Variants in FARP2 observed in about 807,000 individuals in gnomAD.
FARP2 encodes the protein FERM, ARHGEF and pleckstrin domain-containing protein 2.
A neutral mutation model predicts 130.5 loss-of-function variants in FARP2; 111 were observed. The observed-to-expected ratio is 0.85, with a 90% CI of 0.73 to 1.00. The LOEUF (loss-of-function observed/expected upper bound fraction) is 1.00, where lower values mean the gene tolerates loss of function less well. Ranked by LOEUF, FARP2 falls within the 50% of genes least tolerant of loss-of-function variation. The pLI is 0.00. For missense variants in FARP2, 1,385 were observed against 1,346.3 expected (o/e 1.03, Z -0.45); for synonymous variants, 504 against 516.9 (o/e 0.98, Z 0.34).
At chr2:241,406,890 C>T (rs1026315580) in intron 4 of FARP2, among the ~76,000 whole-genome samples, 12 of 152,178 alleles carry the variant, frequency 7.9e-5, no homozygotes, top group African/African-American at 2.9e-4. Flanking sequence ...TCACTGCAAT[C>T]CCCGCCTCCC....
intron 8 of FARP2, among the ~76,000 whole-genome samples, chr2:241,431,099 A>G (rs1374261864): frequency 6.6e-6 from 1 of 152,196 alleles, no homozygotes; most frequent in African/African-American, 2.4e-5. Flanking sequence ...GTCCCAGTGT[A>G]TCTTCCTGGT....
At chr2:241,417,911 T>A (rs750554840) in intron 7 of FARP2, 51 bp from the exon 8 acceptor site, 1 of 1,600,508 alleles carries the variant, frequency 6.2e-7, no homozygotes. Flanking sequence ...ATTTTGGCTC[T>A]TTCAGAAATC....
intron 2 of FARP2, chr2:241,386,758 CAG>C (rs1342301450): frequency 1.3e-5 from 2 of 152,252 alleles, no homozygotes; most frequent in East Asian, 1.9e-4. Flanking sequence ...ATCTTACAAA[CAG>C]AGGGAGTTTC....
chr2:241,408,887 T>C (rs998984184), intron 5 of FARP2, among the ~76,000 whole-genome samples: 16 of 152,194 alleles, frequency 1.1e-4, no homozygotes, highest in Non-Finnish European at 1.0e-4. Flanking sequence ...CACCCTCTTA[T>C]TTTTAAAGGT....
At chr2:241,456,995 T>C in intron 14 of FARP2, 73 bp downstream of exon 14, 39 of 1,372,118 alleles carry the variant, frequency 2.8e-5, no homozygotes, top group Non-Finnish European at 3.7e-5. Context: ...CTTCGGGTGG[T>C]GCTGGTGGGG....
intron 5 of FARP2, among the ~76,000 whole-genome samples, chr2:241,408,981 A>G (rs1189358072): frequency 6.6e-6 from 1 of 151,786 alleles, no homozygotes; most frequent in Non-Finnish European, 1.5e-5. Flanking sequence ...ACATTTACCA[A>G]AAAAAAAGTC....
chr2:241,456,621 T>C, intron 13 of FARP2, 126 bp from the exon 14 acceptor site: 1 of 836,866 alleles, frequency 1.2e-6, no homozygotes, highest in Middle Eastern at 2.3e-4. Context: ...CATACACATT[T>C]TACAGGAAGC....
In FARP2 at chr2:241,494,290, C is replaced by A. The variant is rs1203208191; in HGVS notation, c.*165C>A. On this transcript the variant is annotated 3_prime_UTR_variant, in exon 27 of 27. Transcript: ENST00000264042. This position sits in a 1 kb window ranked among gnomAD's most constrained non-coding sequence, Gnocchi z 4.9. ...CTCATGTAACATCTGGGAGGGGCTT[C>A]ATCCCCCCACCCAGGACCTAGTGCA... 7.1e-6 allele frequency: 3 copies of A among 422,116 alleles called. No individual in the cohort carries two copies. Among genetic ancestry groups the A allele is most frequent in the Non-Finnish European group, 1.3e-5 (3 of 233,292 alleles). The allele number at this position is 422,116 out of a possible 1,614,324, so 26.1% of individuals were successfully genotyped here.
At chr2:241,391,875 G>A (rs555380990) in intron 2 of FARP2, among the ~76,000 whole-genome samples, 190 of 152,332 alleles carry the variant, frequency 1.2e-3, no homozygotes, top group Middle Eastern at 6.8e-3. Flanking sequence ...TCAGGAGACA[G>A]AAACTGTACC....
intron 12 of FARP2, among the ~76,000 whole-genome samples, chr2:241,438,543 T>C (rs780092945): frequency 2.0e-5 from 3 of 151,498 alleles, no homozygotes; most frequent in Admixed American, 6.6e-5. Context: ...GACAACAGGG[T>C]AAGAATGTCT....
chr2:241,373,195 G>T lies in FARP2; in HGVS notation c.88G>T (p.Glu30Ter). Residue 30 changes from glutamate to a stop codon, truncating the protein, a stop_gained, in exon 2 of 27, where the codon GAG becomes TAG. Coordinates refer to ENST00000264042, the MANE Select transcript of FARP2 (RefSeq NM_014808.4). LOFTEE classifies it high-confidence loss of function. ...AQTPVGVSTL[E>*]PGQTLLPRMQ... ...GACCCCTGTGGGAGTTAGCACCCTT[G>T]AGCCTGGGCAGACTCTCTTGCCCAG... 6.3e-7 allele frequency: 1 copy of T among 1,582,576 alleles called. No individual in the cohort carries two copies. The highest frequency in any genetic ancestry group is 8.6e-7 in the Non-Finnish European group (1 of 1,159,376).
chr2:241,448,111 G>T (rs1315003091), intron 13 of FARP2, among the ~76,000 whole-genome samples: 1 of 152,194 alleles, frequency 6.6e-6, no homozygotes, highest in Non-Finnish European at 1.5e-5. Flanking sequence ...AAACTCATGG[G>T]TCTCCTCAGA....
intron 18 of FARP2, among the ~76,000 whole-genome samples, chr2:241,471,618 C>T (rs111894608): frequency 0.16 from 23,819 of 151,146 alleles, 2,219 homozygotes; most frequent in Middle Eastern, 0.23. Flanking sequence ...CTCAGCCTCC[C>T]GAGTAGCTGG....
At chr2:241,414,997 C>T (rs1454124473) in intron 7 of FARP2, among the ~76,000 whole-genome samples, 1 of 152,200 alleles carries the variant, frequency 6.6e-6, no homozygotes, top group Non-Finnish European at 1.5e-5. Flanking sequence ...GTGGCAATTA[C>T]GGACAGCTCT....
intron 2 of FARP2, 79 bp downstream of exon 2, chr2:241,373,369 GT>G: frequency 9.8e-7 from 1 of 1,020,714 alleles, no homozygotes; most frequent in Non-Finnish European, 1.3e-6. Flanking sequence ...CATTTTGCTG[GT>G]TAGACTTTGC....
intron 1 of FARP2, among the ~76,000 whole-genome samples, chr2:241,372,063 A>T (rs1045217738): frequency 4.6e-5 from 7 of 151,450 alleles, no homozygotes; most frequent in African/African-American, 1.7e-4. Context: ...AATAAAATCT[A>T]CAGTGCATTA....
At chr2:241,363,547 T>C (rs1396195550) in intron 1 of FARP2, among the ~76,000 whole-genome samples, 3 of 152,250 alleles carry the variant, frequency 2.0e-5, no homozygotes, top group African/African-American at 2.4e-5. Context: ...AGTTAACTTA[T>C]AGGCTCAACA....
chr2:241,455,642 A>G (rs1439619037), intron 13 of FARP2, among the ~76,000 whole-genome samples: 1 of 151,814 alleles, frequency 6.6e-6, no homozygotes, highest in African/African-American at 2.4e-5. Flanking sequence ...TCAGCCTCCC[A>G]AAGTGCTGGG....
At chr2:241,374,263 C>T (rs752143219) in intron 2 of FARP2, among the ~76,000 whole-genome samples, 2 of 152,206 alleles carry the variant, frequency 1.3e-5, no homozygotes, top group Non-Finnish European at 2.9e-5. Context: ...CCTCCTACCT[C>T]AGCCTCCCAA....
Sources: gnomAD v4.1 joint callset for allele counts (sites outside exome capture counted in the v4.1 genomes callset) on GRCh38, gnomAD v4.1.1 for gene constraint, Gnocchi (gnomAD v3.1) non-coding constraint, MANE v1.5 for transcripts, NCBI Gene and HGNC (gene_info 2026-07-23, HGNC 2026-07-21) for gene names.